IGSF10: variants seen among roughly 807,000 people sequenced by gnomAD.
IGSF10 encodes the protein immunoglobulin superfamily member 10, also known as calvaria mechanical force protein 608.
Under a neutral mutation model 128.2 loss-of-function variants are expected in IGSF10, and 126 were observed. That is an observed-to-expected ratio of 0.98 (90% CI 0.85 to 1.14). IGSF10 has a LOEUF of 1.14. Among genes scored for constraint, IGSF10 ranks in the 50% most tolerant of loss-of-function variants. The pLI is 0.00. For synonymous variants in IGSF10, 1,185 were observed against 1,146.2 expected (o/e 1.03, Z -0.68); for missense variants, 3,295 against 3,149.8 (o/e 1.05, Z -1.10).
rs1721906700 is a variant in IGSF10, at chr3:151,458,515, C to T, written c.194+1G>A. On this transcript the variant is annotated splice_donor_variant, in intron 3 of 7. Coordinates refer to ENST00000282466, the MANE Select transcript of IGSF10 (RefSeq NM_178822.5). LOFTEE classifies it high-confidence loss of function. ...AAGAGGAAACATGAGGTCTCACACA[C>T]CCTAAATTGATGCGTTCCACATTGG... 6.2e-7 allele frequency: 1 copy of T among 1,610,732 alleles called. No individual in the cohort carries two copies. The highest frequency in any genetic ancestry group is 2.2e-5 in the East Asian group (1 of 44,836).
At chr3:151,509,909 G>T in the IGSF10 span, among the ~76,000 whole-genome samples, 105 of 152,298 alleles carry the variant, frequency 6.9e-4, no homozygotes, top group East Asian at 0.017. Flanking sequence ...AAACTGTAAG[G>T]TGGCAGGGAG....
chr3:151,565,710 T>G, the IGSF10 span, among the ~76,000 whole-genome samples: 341 of 152,190 alleles, frequency 2.2e-3, 1 homozygote, highest in Non-Finnish European at 3.2e-3. Context: ...TTCTAGTGAG[T>G]TACTGAGCTA....
At chr3:151,498,391 A>G in the IGSF10 span, among the ~76,000 whole-genome samples, 2 of 151,964 alleles carry the variant, frequency 1.3e-5, no homozygotes, top group Non-Finnish European at 2.9e-5. Flanking sequence ...ATCCCTGATG[A>G]ACATCCATGC....
chr3:151,516,320 A>G, the IGSF10 span, among the ~76,000 whole-genome samples: 2 of 152,044 alleles, frequency 1.3e-5, no homozygotes, highest in South Asian at 4.1e-4. Flanking sequence ...ACAGATCAAG[A>G]TTACTATCAC....
the IGSF10 span, among the ~76,000 whole-genome samples, chr3:151,533,900 A>G: frequency 9.2e-5 from 14 of 152,226 alleles, no homozygotes; most frequent in Non-Finnish European, 1.5e-4. Flanking sequence ...TTTGCAATCT[A>G]TCCATCTGAC....
chr3:151,441,920 A>G (rs142779887), intron 7 of IGSF10, among the ~76,000 whole-genome samples: 15,625 of 151,912 alleles, frequency 0.1, 1,098 homozygotes, highest in Middle Eastern at 0.18. Flanking sequence ...AATTAGTCGG[A>G]TGTGGTGGCG....
chr3:151,566,812 T>C, the IGSF10 span, among the ~76,000 whole-genome samples: 6 of 152,212 alleles, frequency 3.9e-5, no homozygotes, highest in African/African-American at 9.6e-5. Flanking sequence ...TAGCAATTTC[T>C]TCAATGTCAA....
chr3:151,596,477 TA>T, the IGSF10 span, among the ~76,000 whole-genome samples: 1 of 85,048 alleles, frequency 1.2e-5, no homozygotes, highest in African/African-American at 5.3e-5. Context: ...TTATGGTGTT[TA>T]TGTGTGTGTG....
At chr3:151,514,299 C>T in the IGSF10 span, among the ~76,000 whole-genome samples, 1 of 151,966 alleles carries the variant, frequency 6.6e-6, no homozygotes, top group Non-Finnish European at 1.5e-5. Flanking sequence ...AGAACAGAGC[C>T]CTCAGAAATA....
chr3:151,538,462 C>T, the IGSF10 span, among the ~76,000 whole-genome samples: 2 of 152,118 alleles, frequency 1.3e-5, no homozygotes, highest in Admixed American at 6.6e-5. Context: ...AAATACCTCA[C>T]TTCACAGCCA....
the IGSF10 span, among the ~76,000 whole-genome samples, chr3:151,604,592 AACACACACACAC>A: frequency 6.2e-5 from 9 of 144,582 alleles, no homozygotes; most frequent in East Asian, 2.0e-4. Flanking sequence ...GTACCAATAT[AACACACACACAC>A]ACACACACAC....
the IGSF10 span, among the ~76,000 whole-genome samples, chr3:151,587,628 C>T: frequency 6.6e-6 from 1 of 152,008 alleles, no homozygotes; most frequent in Admixed American, 6.6e-5. Flanking sequence ...GCATATTGGC[C>T]AAAACACATT....
chr3:151,482,681 A>G, the IGSF10 span, among the ~76,000 whole-genome samples: 1 of 152,214 alleles, frequency 6.6e-6, no homozygotes, highest in Non-Finnish European at 1.5e-5. Context: ...GGACATGCAG[A>G]CCCATTAAGA....
chr3:151,488,093 C>T, the IGSF10 span, among the ~76,000 whole-genome samples: 3 of 151,932 alleles, frequency 2.0e-5, no homozygotes, highest in African/African-American at 4.8e-5. Context: ...TCATCACAGC[C>T]CAAAATCTCC....
the IGSF10 span, among the ~76,000 whole-genome samples, chr3:151,609,638 AC>A: frequency 1.3e-5 from 2 of 152,208 alleles, no homozygotes; most frequent in Non-Finnish European, 2.9e-5. Flanking sequence ...GTACATATAC[AC>A]CATTAAATAC....
At chr3:151,524,525 G>T in the IGSF10 span, among the ~76,000 whole-genome samples, 1 of 152,146 alleles carries the variant, frequency 6.6e-6, no homozygotes, top group East Asian at 1.9e-4. Context: ...ACTAACACAG[G>T]AACAGAAAAC....
At chr3:151,607,798 C>A in the IGSF10 span, among the ~76,000 whole-genome samples, 2 of 150,798 alleles carry the variant, frequency 1.3e-5, no homozygotes, top group Admixed American at 6.6e-5. Flanking sequence ...GTAGTCCCAG[C>A]TACTCAGGAG....
At chr3:151,602,996 T>A in the IGSF10 span, among the ~76,000 whole-genome samples, 1 of 152,208 alleles carries the variant, frequency 6.6e-6, no homozygotes, top group Non-Finnish European at 1.5e-5. Flanking sequence ...GTTGTTCTAT[T>A]TTCTTCCCTG....
At chr3:151,602,744 A>G in the IGSF10 span, among the ~76,000 whole-genome samples, 2 of 152,084 alleles carry the variant, frequency 1.3e-5, no homozygotes, top group East Asian at 1.9e-4. Context: ...TCATTTTCCC[A>G]TCTTTGCTCT....
Sources: gnomAD v4.1 joint callset for allele counts (sites outside exome capture counted in the v4.1 genomes callset) on GRCh38, gnomAD v4.1.1 for gene constraint, MANE v1.5 for transcripts, NCBI Gene and HGNC (gene_info 2026-07-23, HGNC 2026-07-21) for gene names.